The following ACLY variants were observed in gnomAD, a reference collection of about 807,000 sequenced individuals.
ACLY encodes the protein ATP citrate lyase.
A neutral mutation model predicts 133.0 loss-of-function variants in ACLY; 41 were observed. The observed-to-expected ratio is 0.31, with a 90% CI of 0.24 to 0.40. The LOEUF (loss-of-function observed/expected upper bound fraction) is 0.40. Among genes scored for constraint, ACLY ranks in the 10% least tolerant of loss-of-function variants. The pLI, the probability that ACLY is intolerant of heterozygous loss-of-function variation, is 1.00. For synonymous variants in ACLY, 495 were observed against 549.3 expected (o/e 0.90, Z 1.38); for missense variants, 1,046 against 1,453.8 (o/e 0.72, Z 4.56).
At chr17:41,871,985 A>G in intron 24 of ACLY, 47 bp downstream of exon 24, 2 of 1,609,224 alleles carry the variant, frequency 1.2e-6, no homozygotes, top group Non-Finnish European at 1.7e-6. Flanking sequence ...GCATGAGGCC[A>G]AGGCCCAGTG....
intron 1 of ACLY, among the ~76,000 whole-genome samples, chr17:41,929,469 C>G (rs368470988): frequency 2.6e-5 from 4 of 152,298 alleles, no homozygotes; most frequent in African/African-American, 9.6e-5. Flanking sequence ...ATGAACATGT[C>G]TCTAACCCAT....
chr17:41,906,095 ACTG>A (rs1363498094), intron 8 of ACLY, among the ~76,000 whole-genome samples: 1 of 152,206 alleles, frequency 6.6e-6, no homozygotes, highest in African/African-American at 2.4e-5. Flanking sequence ...AGTGAAAAAA[ACTG>A]CTAATTATTG....
upstream of ACLY, chr17:41,919,054 G>C: frequency 1.6e-6 from 2 of 1,278,684 alleles, no homozygotes; most frequent in South Asian, 1.3e-5. Context: ...GGCCACACGC[G>C]TTCCCTAGCC....
At chr17:41,908,483 G>A (rs1441262005) in intron 6 of ACLY, among the ~76,000 whole-genome samples, 2 of 152,236 alleles carry the variant, frequency 1.3e-5, no homozygotes, top group Non-Finnish European at 2.9e-5. Context: ...AGGACTTCTG[G>A]CCGGGCGTGG....
Position 41,907,592 on chromosome 17 carries a change from A to C in ACLY, c.617-20T>G. On this transcript the variant is annotated intron_variant, in intron 6 of 28. Transcript: ENST00000352035. ...TCACTACTTCAAGGGGAGCAGAGGC[A>C]ATCATCAGACACCGGCTCTGGGTAG... 1.9e-6 allele frequency: 3 copies of C among 1,610,496 alleles called. No homozygotes were observed. Among genetic ancestry groups the C allele is most frequent in the Non-Finnish European group, 2.5e-6 (3 of 1,177,006 alleles).
chr17:41,880,924 G>A (rs1236261647), intron 20 of ACLY, among the ~76,000 whole-genome samples: 5 of 148,808 alleles, frequency 3.4e-5, no homozygotes, highest in African/African-American at 7.4e-5. Flanking sequence ...CCCATGGGGC[G>A]ATGAGTGCCA....
At chr17:41,884,063 C>T in intron 19 of ACLY, 130 bp downstream of exon 19, 1 of 623,210 alleles carries the variant, frequency 1.6e-6, no homozygotes, top group Non-Finnish European at 2.8e-6. Context: ...GAGGCCCCAG[C>T]ATCTAGGGGA....
upstream of ACLY, chr17:41,919,171 C>G: frequency 2.2e-6 from 2 of 912,138 alleles, no homozygotes; most frequent in Non-Finnish European, 2.8e-6. Context: ...TCCACCGCCT[C>G]TTGGGAGCCT....
intron 12 of ACLY, 37 bp downstream of exon 12, chr17:41,898,594 G>A (rs1555630868): frequency 1.2e-6 from 2 of 1,606,632 alleles, no homozygotes; most frequent in East Asian, 2.2e-5. Context: ...AGATGAGATG[G>A]TTCCTTCCTG....
intron 14 of ACLY, among the ~76,000 whole-genome samples, chr17:41,894,915 A>G (rs1555630081): frequency 1.3e-5 from 2 of 152,150 alleles, no homozygotes; most frequent in African/African-American, 4.8e-5. Flanking sequence ...AACCAAGTTC[A>G]TGGTCTCATT....
chr17:41,904,681 TC>T, intron 10 of ACLY, 47 bp downstream of exon 10: 3 of 1,581,356 alleles, frequency 1.9e-6, no homozygotes, highest in Non-Finnish European at 2.6e-6. Flanking sequence ...TTCCCTGCTT[TC>T]CCCAAACCAC....
chr17:41,929,094 C>CT (rs111865267), intron 1 of ACLY, among the ~76,000 whole-genome samples: 23,262 of 133,530 alleles, frequency 0.17, 2,220 homozygotes, highest in Non-Finnish European at 0.2. Flanking sequence ...ATGTTATTTC[C>CT]TTTTTTTTTT....
At chr17:41,870,006 C>T (rs887389086) in intron 25 of ACLY, among the ~76,000 whole-genome samples, 6 of 152,110 alleles carry the variant, frequency 3.9e-5, no homozygotes, top group Non-Finnish European at 5.9e-5. Flanking sequence ...TAAACAAACA[C>T]GTGTTTAGTG....
At chr17:41,895,525 C>A (rs576407291) in intron 14 of ACLY, among the ~76,000 whole-genome samples, 1 of 152,316 alleles carries the variant, frequency 6.6e-6, no homozygotes, top group South Asian at 2.1e-4. Flanking sequence ...TCTGGCCTCG[C>A]TGAGGGGAGG....
upstream of ACLY, among the ~76,000 whole-genome samples, chr17:41,922,370 C>CAAAA (rs1164362085): frequency 1.1e-3 from 33 of 30,846 alleles, no homozygotes; most frequent in Middle Eastern, 0.02. Context: ...CAGAGCGAGA[C>CAAAA]AAAAAAAAAA....
chr17:41,927,779 T>C (rs2050260593), intron 1 of ACLY, among the ~76,000 whole-genome samples: 1 of 150,878 alleles, frequency 6.6e-6, no homozygotes. Flanking sequence ...TGAGCTGAGA[T>C]CACGCCACTG....
intron 22 of ACLY, among the ~76,000 whole-genome samples, chr17:41,877,331 T>C (rs973259627): frequency 5.3e-5 from 8 of 151,256 alleles, no homozygotes; most frequent in African/African-American, 1.9e-4. Flanking sequence ...TCAGTAGAGA[T>C]GGGGTTTCAC....
chr17:41,873,075 G>C (rs1005665561), intron 23 of ACLY, among the ~76,000 whole-genome samples: 1 of 152,080 alleles, frequency 6.6e-6, no homozygotes, highest in East Asian at 1.9e-4. Context: ...CCAGCCGTCA[G>C]TCCCACGGGA....
chr17:41,883,194 G>A lies in ACLY; in HGVS notation c.2193C>T (p.Ile731=). 1 of 1,614,000 alleles carries A rather than the reference G, an allele frequency of 6.2e-7. No homozygotes were observed. Among genetic ancestry groups the A allele is most frequent in the Non-Finnish European group, 8.5e-7 (1 of 1,180,042 alleles). The part of the protein sequence containing the change: ...GTEEYKICRG[I]KEGRLTKPIV... ...TGGGCTTAGTGAGGCGGCCCTCCTT[G>A]ATGCCCCGGCAAATCTTATATTCCT... is the stretch of plus-strand genomic sequence containing the variant. Residue 731 remains isoleucine, a synonymous_variant, in exon 20 of 29, where the codon ATC becomes ATT. Coordinates refer to ENST00000352035, the MANE Select transcript of ACLY (RefSeq NM_001096.3).
Sources: gnomAD v4.1 joint callset for allele counts (sites outside exome capture counted in the v4.1 genomes callset) on GRCh38, gnomAD v4.1.1 for gene constraint, MANE v1.5 for transcripts, NCBI Gene and HGNC (gene_info 2026-07-23, HGNC 2026-07-21) for gene names.